MOSPD2: variants seen among roughly 807,000 people sequenced by gnomAD.
MOSPD2 encodes the protein motile sperm domain-containing protein 2.
A neutral mutation model predicts 41.7 loss-of-function variants in MOSPD2; 5 were observed. The ratio of observed to expected loss-of-function variants is 0.12; its 90% CI spans 0.06 to 0.25. MOSPD2 has a LOEUF of 0.25. Ranked by LOEUF, MOSPD2 falls within the 10% of genes least tolerant of loss-of-function variation. The pLI, the probability that MOSPD2 is intolerant of heterozygous loss-of-function variation, is 1.00. For missense variants in MOSPD2, 282 were observed against 375.2 expected, an observed-to-expected ratio of 0.75 and a Z score of 2.05; for synonymous variants, 115 against 126.9, an observed-to-expected ratio of 0.91 and a Z score of 0.63.
intron 2 of MOSPD2, among the ~76,000 whole-genome samples, chrX:14,880,926 A>T (rs2092530168): frequency 8.9e-6 from 1 of 111,996 alleles, no homozygotes; most frequent in African/African-American, 3.2e-5. Flanking sequence ...TGCAATATTG[A>T]CATCAAGATT....
chrX:14,889,127 C>A (rs1051951510), intron 2 of MOSPD2, among the ~76,000 whole-genome samples: 1 of 111,018 alleles, frequency 9.0e-6, no homozygotes, highest in African/African-American at 3.3e-5. Flanking sequence ...AGGACACTGC[C>A]GCATGAAGCC....
Position 14,912,309 on chromosome X carries a change from A to G in MOSPD2, c.940A>G (p.Lys314Glu). ...EENEKVDSKVKAFKKPLSVFK... is the reference protein window; with the variant it reads ...EENEKVDSKVEAFKKPLSVFK... ...AAATGAAAAAGTTGATTCAAAAGTG[A>G]AAGCTTTCAAGAAACCATTGAGTGT... The change falls in exon 10 of 15, where the codon AAA becomes GAA. Residue 314 changes from lysine (K) to glutamate (E), a missense_variant. Coordinates refer to ENST00000380492, the MANE Select transcript of MOSPD2 (RefSeq NM_152581.4). 8.4e-7 allele frequency: 1 copy of G among 1,190,527 alleles called. No homozygotes were observed. Among genetic ancestry groups the G allele is most frequent in the South Asian group, 1.9e-5 (1 of 52,603 alleles).
At chrX:14,918,902 T>C in intron 14 of MOSPD2, 120 bp downstream of exon 14, 4 of 502,210 alleles carry the variant, frequency 8.0e-6, no homozygotes, top group East Asian at 3.9e-5. Flanking sequence ...AAATACTGTC[T>C]TCTTTGTGAA....
chrX:14,911,318 G>A lies in MOSPD2; in HGVS notation c.784G>A (p.Glu262Lys), dbSNP rs777657462. ...PLCENGPITS[E>K]DETSSKEDIE... ...GTGTGAGAATGGGCCTATTACCAGT[G>A]AGGATGAAACTTCAAGTAAAGAAGA... The change falls in exon 9 of 15, where the codon GAG becomes AAG. Residue 262 changes from glutamate (E) to lysine (K), a missense_variant. Around this residue, in one of 3 missense-constraint regions of MOSPD2, gnomAD observed 187 missense variants for 256.6 expected, o/e 0.73. Coordinates refer to ENST00000380492, the MANE Select transcript of MOSPD2 (RefSeq NM_152581.4). 1.7e-6 allele frequency: 2 copies of A among 1,204,076 alleles called. No homozygotes were observed. The highest frequency in any genetic ancestry group is 2.3e-4 in the Middle Eastern group (1 of 4,330).
In MOSPD2 at chrX:14,897,348, A is replaced by G. The variant is rs2092564820; in HGVS notation, c.477+110A>G. On this transcript the variant is annotated intron_variant, in intron 5 of 14. Coordinates refer to ENST00000380492, the MANE Select transcript of MOSPD2 (RefSeq NM_152581.4). ...TGTAAAATTGAGGTAACTAACTTAT[A>G]TTAGGGATTTATTTTTTCACCTTGC... is the stretch of plus-strand genomic sequence containing the variant. 2.6e-5 allele frequency: 15 copies of G among 588,004 alleles called. No individual in the cohort carries two copies. In the South Asian group the frequency reaches 6.1e-4, roughly 24 times the overall value. 48.5% of individuals were successfully genotyped at this position (588,004 alleles called of 1,213,427 possible).
In MOSPD2 at chrX:14,921,012, G is replaced by A. The variant is rs140948021; in HGVS notation, c.*1203G>A. 3 of 760,196 alleles carry A rather than the reference G, an allele frequency of 3.9e-6. No homozygotes were observed. Among genetic ancestry groups the A allele is most frequent in the Non-Finnish European group, 1.6e-6 (1 of 643,304 alleles). 62.6% of individuals were successfully genotyped at this position (760,196 alleles called of 1,213,427 possible). On this transcript the variant is annotated 3_prime_UTR_variant, in exon 15 of 15. Coordinates refer to ENST00000380492, the MANE Select transcript of MOSPD2 (RefSeq NM_152581.4). ...TACTTGATATTCTGCCTTTGATATGGTAGTACCCACCCGGTATTCCTAAAA... is the reference window on the plus strand; with the variant it reads ...TACTTGATATTCTGCCTTTGATATGATAGTACCCACCCGGTATTCCTAAAA...
chrX:14,895,459 G>C, intron 4 of MOSPD2, 65 bp downstream of exon 4: 1 of 649,694 alleles, frequency 1.5e-6, no homozygotes, highest in Non-Finnish European at 2.5e-6. Context: ...TATGTCAACT[G>C]AATTAAGAAT....
At position 14,885,199 on chromosome X, in the gene MOSPD2, C is replaced by G. The variant is rs6631282; in HGVS notation, c.80-7524C>G. The G allele has an allele frequency of 9.9e-5, 11 of 111,529 alleles. No individual in the cohort carries two copies. The East Asian group carries it at 1.7e-3, about 17-fold the overall frequency. The allele number at this position is 111,529 out of a possible 1,213,427, so 9.2% of individuals were successfully genotyped here. On this transcript the variant is annotated intron_variant, in intron 2 of 14. Coordinates refer to ENST00000380492, the MANE Select transcript of MOSPD2 (RefSeq NM_152581.4). ...TTTCAGAGCTTTTGCAAACATTCAC[C>G]ACATACTAAGTCATAAAGGGGGTCT...
In MOSPD2 at chrX:14,892,804, G is replaced by A. The variant is rs1477616051; in HGVS notation, c.161G>A (p.Arg54Lys). The part of the protein sequence containing the change: ...DNWVESYLSW[R>K]HNIVDETLKM... ...TGGGTTGAAAGTTACTTATCTTGGA[G>A]ACATAATATTGTAGATGAAACACTG... Residue 54 changes from arginine (R) to lysine (K), a missense_variant, in exon 3 of 15, where the codon AGA becomes AAA. Transcript: ENST00000380492. 6 of 1,204,363 alleles carry A rather than the reference G, an allele frequency of 5.0e-6. No homozygotes were observed. The highest frequency in any genetic ancestry group is 1.8e-5 in the South Asian group (1 of 56,784).
intron 4 of MOSPD2, 139 bp from the exon 5 acceptor site, chrX:14,896,945 T>G: frequency 2.0e-6 from 1 of 493,126 alleles, no homozygotes; most frequent in Non-Finnish European, 3.0e-6. Flanking sequence ...AGTTTCTCAT[T>G]GAAAATAAGA....
chrX:14,914,843 A>G (rs958749456), intron 11 of MOSPD2, among the ~76,000 whole-genome samples: 3 of 112,236 alleles, frequency 2.7e-5, no homozygotes, highest in African/African-American at 3.2e-5. Flanking sequence ...CTAAGTTAAT[A>G]CAAGGGTTTA....
chrX:14,880,203 G>A (rs950336982), intron 2 of MOSPD2, among the ~76,000 whole-genome samples: 3 of 110,688 alleles, frequency 2.7e-5, no homozygotes, highest in Non-Finnish European at 5.7e-5. Context: ...TTTCCTTATA[G>A]TGGTTAACAC....
At chrX:14,888,803 GT>G (rs1369257898) in intron 2 of MOSPD2, among the ~76,000 whole-genome samples, 1 of 110,223 alleles carries the variant, frequency 9.1e-6, no homozygotes, top group Non-Finnish European at 1.9e-5. Context: ...ATGCATGTGT[GT>G]TTTTATATCT....
In MOSPD2 at chrX:14,921,487, C is replaced by G. The variant is rs1183479734; in HGVS notation, c.*1678C>G. Reference sequence around the variant, plus strand: ...TTCCCCTTACATGGTAGATTTTTGGCCTTAATATAATCTAATCCCAAAGTA... The same window carrying G: ...TTCCCCTTACATGGTAGATTTTTGGGCTTAATATAATCTAATCCCAAAGTA... On this transcript the variant is annotated 3_prime_UTR_variant, in exon 15 of 15. Coordinates refer to ENST00000380492, the MANE Select transcript of MOSPD2 (RefSeq NM_152581.4). 1.1e-5 allele frequency: 9 copies of G among 816,375 alleles called. No individual in the cohort carries two copies. The highest frequency in any genetic ancestry group is 1.2e-5 in the Non-Finnish European group (8 of 647,507). 67.3% of individuals were successfully genotyped at this position (816,375 alleles called of 1,213,427 possible).
intron 2 of MOSPD2, among the ~76,000 whole-genome samples, chrX:14,888,450 A>C (rs2092547021): frequency 9.1e-6 from 1 of 110,192 alleles, no homozygotes. Flanking sequence ...TAAAAATGGG[A>C]GTTTCCCTGC....
rs751169525 is a variant in MOSPD2 at position 14,919,441 on chromosome X, G to C, written c.1420-231G>C. On this transcript the variant is annotated intron_variant, in intron 14 of 14. Transcript: ENST00000380492. ...TGTACCTCTAGGAACTGACTGCTCT[G>C]CTCCTGTCTCAACTAGAAATTCAGA... is the stretch of plus-strand genomic sequence containing the variant. 3.5e-4 allele frequency among the ~76,000 whole-genome samples: 39 copies of C among 111,579 alleles called. 1 individual carries two copies. The highest frequency in any genetic ancestry group is 3.8e-4 in the Admixed American group (4 of 10,537).
rs1437670933 is a variant in MOSPD2, at chrX:14,920,639, C to T, written c.*830C>T. 1 of 751,392 alleles carries T rather than the reference C, an allele frequency of 1.3e-6. No individual in the cohort carries two copies. The highest frequency in any genetic ancestry group is 6.8e-5 in the South Asian group (1 of 14,600). The allele number at this position is 751,392 out of a possible 1,213,427, so 61.9% of individuals were successfully genotyped here. The stretch of plus-strand genomic sequence containing the variant: ...TGCCTAATTTATTATAAAGGCCTGA[C>T]CCTCTATTGTCCCATCTTCACCCCC... On this transcript the variant is annotated 3_prime_UTR_variant, in exon 15 of 15. Coordinates refer to ENST00000380492, the MANE Select transcript of MOSPD2 (RefSeq NM_152581.4).
At chrX:14,895,017 T>C (rs2092560599) in intron 3 of MOSPD2, among the ~76,000 whole-genome samples, 3 of 112,035 alleles carry the variant, frequency 2.7e-5, no homozygotes, top group South Asian at 3.7e-4. Context: ...GACAGTGATA[T>C]TTGTTTGCAA....
chrX:14,921,081 G>C lies in MOSPD2; in HGVS notation c.*1272G>C, dbSNP rs2092608844. 2.5e-6 allele frequency: 2 copies of C among 798,129 alleles called. No individual in the cohort carries two copies. Among genetic ancestry groups the C allele is most frequent in the African/African-American group, 4.4e-5 (2 of 45,008 alleles). The allele number at this position is 798,129 out of a possible 1,213,427, so 65.8% of individuals were successfully genotyped here. A position where few individuals can be genotyped will look rare whatever the true frequency, so the allele number is the denominator to read the frequency against. On this transcript the variant is annotated 3_prime_UTR_variant, in exon 15 of 15. Transcript: ENST00000380492. ...TGCAGTAGCAGAGGCAATGACATGA[G>C]TTTGTTTTCTCATTAATATGACCAG...
Sources: allele counts gnomAD v4.1 joint callset (sites outside exome capture counted in the v4.1 genomes callset), GRCh38; gene constraint gnomAD v4.1.1; regional missense constraint gnomAD v4.1.1; transcripts MANE v1.5; gene names NCBI Gene and HGNC (gene_info 2026-07-23, HGNC 2026-07-21).